Variants in ZNF595 observed in about 807,000 individuals in gnomAD.
ZNF595 encodes zinc finger protein 595.
A neutral mutation model predicts 19.4 loss-of-function variants in ZNF595; 9 were observed. That is an observed-to-expected ratio of 0.46 (90% confidence interval 0.28 to 0.81). The LOEUF (loss-of-function observed/expected upper bound fraction) is 0.81, where lower values mean the gene tolerates loss of function less well. Ranked by LOEUF, ZNF595 falls within the 30% of genes least tolerant of loss-of-function variation. The pLI is 0.11. For missense variants in ZNF595, 729 were observed against 736.0 expected, an observed-to-expected ratio of 0.99 and a Z score of 0.11; for synonymous variants, 255 against 255.9, an observed-to-expected ratio of 1.00 and a Z score of 0.03.
chr4:86,327 A>G lies in ZNF595; in HGVS notation c.823A>G (p.Lys275Glu). Residue 275 changes from lysine to glutamate, a missense_variant, in exon 4 of 4, where the codon AAG becomes GAG. Coordinates refer to ENST00000610261, the MANE Select transcript of ZNF595 (RefSeq NM_182524.4). ...FTRSTTLNEHKKIHTGEKPYK... is the reference protein window; with the variant it reads ...FTRSTTLNEHEKIHTGEKPYK... The stretch of plus-strand genomic sequence containing the variant: ...AAGGTCCACAACACTGAATGAACAC[A>G]AGAAAATTCATACTGGAGAGAAACC... The G allele has an allele frequency of 3.7e-6, 6 of 1,614,036 alleles. No individual in the cohort carries two copies. The highest frequency in any genetic ancestry group is 5.1e-6 in the Non-Finnish European group (6 of 1,179,994).
intron 1 of ZNF595, among the ~76,000 whole-genome samples, chr4:57,595 TG>T (rs1278961414): frequency 6.6e-6 from 1 of 151,912 alleles, no homozygotes; most frequent in Non-Finnish European, 1.5e-5. Context: ...GAAATAGTCG[TG>T]GTCCCTACCA....
intron 3 of ZNF595, among the ~76,000 whole-genome samples, chr4:77,250 G>A (rs562517946): frequency 5.4e-5 from 8 of 148,242 alleles, no homozygotes; most frequent in African/African-American, 1.2e-4. Flanking sequence ...TATATATTGC[G>A]TTCTTCAGCT....
chr4:75,166 T>G (rs1172027444), intron 3 of ZNF595, among the ~76,000 whole-genome samples: 4 of 152,254 alleles, frequency 2.6e-5, no homozygotes, highest in African/African-American at 9.6e-5. Context: ...GTCTCTTGTG[T>G]GCAGCATATG....
intron 3 of ZNF595, among the ~76,000 whole-genome samples, chr4:68,654 T>A (rs1581370817): frequency 6.6e-6 from 1 of 152,298 alleles, no homozygotes; most frequent in African/African-American, 2.4e-5. Context: ...CCTATATGTA[T>A]CTATGGATTA....
intron 3 of ZNF595, among the ~76,000 whole-genome samples, chr4:66,617 G>A (rs1167768770): frequency 2.7e-5 from 4 of 150,838 alleles, no homozygotes; most frequent in Admixed American, 1.3e-4. Context: ...GACAGTTTTT[G>A]TATATGGTTC....
At chr4:79,136 A>AG (rs751350726) in intron 3 of ZNF595, among the ~76,000 whole-genome samples, 7 of 152,210 alleles carry the variant, frequency 4.6e-5, no homozygotes, top group Admixed American at 6.5e-5. Flanking sequence ...CAGCTCCTGA[A>AG]GAACACCATT....
intron 3 of ZNF595, among the ~76,000 whole-genome samples, chr4:60,792 C>A (rs1263255684): frequency 1.3e-5 from 2 of 152,304 alleles, no homozygotes; most frequent in South Asian, 4.2e-4. Context: ...GAACAATAAG[C>A]GTTTTTCCAA....
At chr4:73,637 C>G (rs566194958) in intron 3 of ZNF595, among the ~76,000 whole-genome samples, 43 of 152,238 alleles carry the variant, frequency 2.8e-4, no homozygotes, top group African/African-American at 1.0e-3. Context: ...ATTCACTAAC[C>G]CACCTCCTCT....
intron 3 of ZNF595, among the ~76,000 whole-genome samples, chr4:82,003 C>T (rs1713927058): frequency 6.6e-6 from 1 of 152,042 alleles, no homozygotes; most frequent in African/African-American, 2.4e-5. Context: ...TTCATCTGAC[C>T]ATATGTGTAA....
chr4:66,604 C>G (rs1404248799), intron 3 of ZNF595, among the ~76,000 whole-genome samples: 1 of 150,448 alleles, frequency 6.6e-6, no homozygotes, highest in Non-Finnish European at 1.5e-5. Flanking sequence ...TTAACTCATT[C>G]AAGACAGTTT....
chr4:83,054 CACAT>C (rs1419287902), intron 3 of ZNF595, among the ~76,000 whole-genome samples: 8 of 152,114 alleles, frequency 5.3e-5, no homozygotes, highest in Admixed American at 2.6e-4. Context: ...ATGTAAGACA[CACAT>C]ACACACACAC....
At chr4:79,675 G>GTTTTTTTTTTTTT (rs202205324) in intron 3 of ZNF595, among the ~76,000 whole-genome samples, 7 of 127,494 alleles carry the variant, frequency 5.5e-5, no homozygotes, top group East Asian at 2.3e-4. Context: ...CAGCTTTGTT[G>GTTTTTTTTTTTTT]TTTTTTTTTT....
chr4:79,619 A>C (rs892183085), intron 3 of ZNF595, among the ~76,000 whole-genome samples: 3 of 148,664 alleles, frequency 2.0e-5, no homozygotes, highest in Admixed American at 6.7e-5. Flanking sequence ...TGTTTTGCTT[A>C]TTATAGCTTT....
At chr4:71,213 T>G (rs1157991022) in intron 3 of ZNF595, among the ~76,000 whole-genome samples, 1 of 152,228 alleles carries the variant, frequency 6.6e-6, no homozygotes, top group Admixed American at 6.5e-5. Flanking sequence ...TTATTAGTTC[T>G]AATAGTGTTC....
chr4:77,997 G>GT (rs1553799067), intron 3 of ZNF595, among the ~76,000 whole-genome samples: 1 of 151,786 alleles, frequency 6.6e-6, no homozygotes, highest in East Asian at 1.9e-4. Flanking sequence ...AGTCTTCAGG[G>GT]TTTTTTGTTT....
At chr4:73,403 G>A (rs1553798156) in intron 3 of ZNF595, among the ~76,000 whole-genome samples, 1 of 152,176 alleles carries the variant, frequency 6.6e-6, no homozygotes, top group Admixed American at 6.5e-5. Flanking sequence ...AGGGGCCTGG[G>A]TAAAGGAGAG....
rs7689091 is a variant in ZNF595 at position 73,647 on chromosome 4, T to C, written c.227-12084T>C. Among the ~76,000 whole-genome samples the C allele has an allele frequency of 9.6e-3, 1,461 of 152,298 alleles. 26 individuals carry two copies. Among genetic ancestry groups the C allele is most frequent in the African/African-American group, 0.033 (1,381 of 41,564 alleles). Reference sequence around the variant, plus strand: ...CCAAGATTCACTAACCCACCTCCTCTTTTCCCGCACTTTCTTTTGTCCTAT... The same window carrying C: ...CCAAGATTCACTAACCCACCTCCTCCTTTCCCGCACTTTCTTTTGTCCTAT... On this transcript the variant is annotated intron_variant, in intron 3 of 3. Coordinates refer to ENST00000610261, the MANE Select transcript of ZNF595 (RefSeq NM_182524.4).
At chr4:76,967 A>G (rs1713691282) in intron 3 of ZNF595, among the ~76,000 whole-genome samples, 1 of 152,172 alleles carries the variant, frequency 6.6e-6, no homozygotes, top group South Asian at 2.1e-4. Context: ...TTTAAGCTTC[A>G]TAAAACTGAA....
intron 1 of ZNF595, among the ~76,000 whole-genome samples, chr4:55,053 T>TC (rs1712567192): frequency 6.6e-6 from 1 of 151,476 alleles, no homozygotes; most frequent in African/African-American, 2.4e-5. Context: ...GGCTAATTTT[T>TC]TTTTTTTTGT....
Sources: gnomAD v4.1 joint callset for allele counts (sites outside exome capture counted in the v4.1 genomes callset) on GRCh38, gnomAD v4.1.1 for gene constraint, MANE v1.5 for transcripts, NCBI Gene and HGNC (gene_info 2026-07-23, HGNC 2026-07-21) for gene names.